The following IMMP2L variants were observed in gnomAD, a reference collection of about 807,000 sequenced individuals.
IMMP2L encodes the protein mitochondrial inner membrane protease subunit 2.
Under a neutral mutation model 19.3 loss-of-function variants are expected in IMMP2L, and 18 were observed. The observed-to-expected ratio is 0.93, with a 90% CI of 0.64 to 1.38. The LOEUF (loss-of-function observed/expected upper bound fraction) is 1.38, where lower values mean the gene tolerates loss of function less well. Among genes scored for constraint, IMMP2L ranks in the 40% most tolerant of loss-of-function variants. IMMP2L has a pLI of 0.00. For missense variants in IMMP2L, 233 were observed against 218.2 expected (o/e 1.07, Z -0.43); for synonymous variants, 76 against 73.0 (o/e 1.04, Z -0.21).
intron 4 of IMMP2L, among the ~76,000 whole-genome samples, chr7:110,939,035 G>A (rs1024740459): frequency 6.6e-6 from 1 of 152,086 alleles, no homozygotes; most frequent in African/African-American, 2.4e-5. Flanking sequence ...AGTTTACATT[G>A]CTAAATCCTC....
intron 2 of IMMP2L, among the ~76,000 whole-genome samples, chr7:111,506,631 G>T (rs557556119): frequency 4.7e-4 from 71 of 152,166 alleles, no homozygotes; most frequent in Non-Finnish European, 6.3e-4. Flanking sequence ...TCCTAACCTC[G>T]TGATCCACCT....
At chr7:111,323,588 C>G (rs1183359717) in intron 3 of IMMP2L, among the ~76,000 whole-genome samples, 3 of 152,028 alleles carry the variant, frequency 2.0e-5, no homozygotes, top group African/African-American at 7.2e-5. Context: ...TGTGGCGATT[C>G]CTCAGGGATC....
chr7:111,331,314 TA>T (rs367843801), intron 3 of IMMP2L, among the ~76,000 whole-genome samples: 1 of 151,826 alleles, frequency 6.6e-6, no homozygotes, highest in Admixed American at 6.6e-5. Flanking sequence ...CTAAGTGAAA[TA>T]AATAAGGCAA....
intron 3 of IMMP2L, among the ~76,000 whole-genome samples, chr7:111,307,013 C>CTA (rs1822953037): frequency 6.7e-6 from 1 of 148,500 alleles, no homozygotes; most frequent in Non-Finnish European, 1.5e-5. Flanking sequence ...TAATTATATT[C>CTA]TATATATATT....
At chr7:110,982,000 ATAG>A (rs1277967364) in intron 3 of IMMP2L, among the ~76,000 whole-genome samples, 37 of 152,198 alleles carry the variant, frequency 2.4e-4, no homozygotes, top group African/African-American at 8.4e-4. Flanking sequence ...TACAAAACTG[ATAG>A]TAGGGCATTT....
intron 3 of IMMP2L, among the ~76,000 whole-genome samples, chr7:111,120,852 C>A (rs1204998005): frequency 3.3e-5 from 5 of 151,968 alleles, no homozygotes; most frequent in Non-Finnish European, 7.4e-5. Context: ...CTCCTGGGAA[C>A]CTGTTGAATC....
chr7:111,012,195 T>G (rs1825037919), intron 3 of IMMP2L, among the ~76,000 whole-genome samples: 1 of 152,172 alleles, frequency 6.6e-6, no homozygotes, highest in Admixed American at 6.6e-5. Flanking sequence ...TTGATATGGC[T>G]AATTTTCATA....
chr7:111,145,761 C>T (rs1003764929), intron 3 of IMMP2L, among the ~76,000 whole-genome samples: 1 of 152,032 alleles, frequency 6.6e-6, no homozygotes, highest in Non-Finnish European at 1.5e-5. Context: ...TACTAAGAAG[C>T]ACAATTCTAT....
chr7:111,046,360 T>C (rs1275422527), intron 3 of IMMP2L, among the ~76,000 whole-genome samples: 1 of 151,668 alleles, frequency 6.6e-6, no homozygotes, highest in Non-Finnish European at 1.5e-5. Context: ...GAGGGAGATA[T>C]TGAGAAGCTC....
At chr7:111,279,867 G>T (rs979689031) in intron 3 of IMMP2L, among the ~76,000 whole-genome samples, 1 of 152,014 alleles carries the variant, frequency 6.6e-6, no homozygotes, top group East Asian at 1.9e-4. Context: ...TTAATGCATT[G>T]CCCAGTTCAT....
At position 111,197,031 on chromosome 7, in the gene IMMP2L, A is replaced by C. The variant is rs1809576461; in HGVS notation, c.240-233466T>G. Among the ~76,000 whole-genome samples the C allele has an allele frequency of 4.6e-5, 7 of 152,170 alleles. No individual in the cohort carries two copies. The South Asian group carries it at 1.5e-3, about 32-fold the overall frequency. ...CCTAAACTTCCACGAACTCTCTTGA[A>C]TCCTCTTATATTCACAAAGCCATCA... On this transcript the variant is annotated intron_variant, in intron 3 of 5. Transcript: ENST00000405709.
At chr7:111,124,493 A>G (rs1801046314) in intron 3 of IMMP2L, 1 of 1,613,834 alleles carries the variant, frequency 6.2e-7, no homozygotes, top group African/African-American at 1.3e-5. Context: ...ATACCATCTG[A>G]TGTCAAGGTA....
chr7:111,430,198 A>G (rs189374558), intron 3 of IMMP2L, among the ~76,000 whole-genome samples: 1 of 151,996 alleles, frequency 6.6e-6, no homozygotes, highest in East Asian at 1.9e-4. Context: ...GAGAATACAT[A>G]AGGTAAGGAA....
At chr7:110,984,937 T>C (rs1821702915) in intron 3 of IMMP2L, among the ~76,000 whole-genome samples, 1 of 151,946 alleles carries the variant, frequency 6.6e-6, no homozygotes, top group African/African-American at 2.4e-5. Context: ...ACAGAGATAA[T>C]TCAATTATTC....
At chr7:111,536,460 C>G (rs1480364688) in intron 1 of IMMP2L, among the ~76,000 whole-genome samples, 1 of 151,956 alleles carries the variant, frequency 6.6e-6, no homozygotes, top group East Asian at 1.9e-4. Context: ...TGCACACCAC[C>G]AGGCCTGGCT....
At chr7:111,277,176 C>T (rs1819164150) in intron 3 of IMMP2L, among the ~76,000 whole-genome samples, 1 of 151,902 alleles carries the variant, frequency 6.6e-6, no homozygotes, top group South Asian at 2.1e-4. Context: ...AGTAAACAGA[C>T]AGTCTATAGA....
At chr7:111,533,584 T>C (rs1399029508) in intron 1 of IMMP2L, among the ~76,000 whole-genome samples, 1 of 152,094 alleles carries the variant, frequency 6.6e-6, no homozygotes, top group Non-Finnish European at 1.5e-5. Context: ...TTTGATAAAG[T>C]CGACATTCAT....
intron 5 of IMMP2L, among the ~76,000 whole-genome samples, chr7:110,825,897 G>C (rs1803442565): frequency 6.6e-6 from 1 of 152,100 alleles, no homozygotes; most frequent in Admixed American, 6.6e-5. Context: ...AGAGTGAACA[G>C]GCAACCTACA....
chr7:111,173,311 T>TA (rs1196122244), intron 3 of IMMP2L, among the ~76,000 whole-genome samples: 4 of 151,618 alleles, frequency 2.6e-5, no homozygotes, highest in Non-Finnish European at 4.4e-5. Context: ...GTGATTTCTT[T>TA]AAAAAATCAT....
Sources: allele counts gnomAD v4.1 joint callset (sites outside exome capture counted in the v4.1 genomes callset), GRCh38; gene constraint gnomAD v4.1.1; transcripts MANE v1.5; gene names NCBI Gene and HGNC (gene_info 2026-07-23, HGNC 2026-07-21).